Variants in NECAB1 observed in about 807,000 individuals in gnomAD.
NECAB1 encodes the protein N-terminal EF-hand calcium-binding protein 1.
A neutral mutation model predicts 57.5 loss-of-function variants in NECAB1; 29 were observed. That is an observed-to-expected ratio of 0.50 (90% CI 0.38 to 0.69). The LOEUF is 0.69. Among genes scored for constraint, NECAB1 ranks in the 30% least tolerant of loss-of-function variants. NECAB1 has a pLI of 0.00. For synonymous variants in NECAB1, 142 were observed against 147.7 expected (o/e 0.96, Z 0.28); for missense variants, 372 against 413.8 (o/e 0.90, Z 0.88).
intron 3 of NECAB1, among the ~76,000 whole-genome samples, chr8:90,825,886 G>A (rs1254640135): frequency 1.3e-5 from 2 of 151,826 alleles, no homozygotes; most frequent in Non-Finnish European, 1.5e-5. Context: ...CAAGTCCATA[G>A]TAGGTATTGG....
At chr8:90,904,032 G>A (rs1394537780) in intron 5 of NECAB1, 5 of 152,126 alleles carry the variant, frequency 3.3e-5, no homozygotes, top group African/African-American at 9.7e-5. Flanking sequence ...TAAACAAAGG[G>A]GGAAAGAAGT....
chr8:90,851,814 A>G (rs917856490), intron 3 of NECAB1, among the ~76,000 whole-genome samples: 4 of 152,070 alleles, frequency 2.6e-5, no homozygotes, highest in Non-Finnish European at 5.9e-5. Flanking sequence ...ATTAGAGCTT[A>G]CTCTTCATGT....
chr8:90,909,388 A>T (rs897092815), intron 5 of NECAB1, among the ~76,000 whole-genome samples: 1 of 151,620 alleles, frequency 6.6e-6, no homozygotes, highest in Admixed American at 6.6e-5. Flanking sequence ...AAAAAAAAAA[A>T]TGTTGCCTGG....
intron 5 of NECAB1, among the ~76,000 whole-genome samples, chr8:90,895,001 G>T (rs911610264): frequency 2.0e-5 from 3 of 152,094 alleles, no homozygotes; most frequent in Admixed American, 1.3e-4. Flanking sequence ...CTTGTTTCTG[G>T]GAGAACTTCA....
At chr8:90,858,824 T>G (rs1438474973) in intron 3 of NECAB1, among the ~76,000 whole-genome samples, 1 of 152,190 alleles carries the variant, frequency 6.6e-6, no homozygotes, top group African/African-American at 2.4e-5. Flanking sequence ...AATCCTGTGT[T>G]CCCTTGATCA....
chr8:90,867,279 G>A (rs963224352), intron 3 of NECAB1, among the ~76,000 whole-genome samples: 4 of 152,274 alleles, frequency 2.6e-5, no homozygotes, highest in African/African-American at 9.6e-5. Flanking sequence ...ATGGATTAGG[G>A]CTGTTTATTC....
rs1024454145 is a variant in NECAB1, at chr8:90,811,766, T to C, written c.124+10051T>C. On this transcript the variant is annotated intron_variant, in intron 2 of 12. Coordinates refer to ENST00000417640, the MANE Select transcript of NECAB1 (RefSeq NM_022351.5). ...AGGCTTTCTTATCAAGGTGGTGAGA[T>C]AGTACCTAGAACCCATCCCACCAGT... 2.6e-5 allele frequency among the ~76,000 whole-genome samples: 4 copies of C among 152,304 alleles called. 1 individual carries two copies. The highest frequency in any genetic ancestry group is 6.8e-3 in the Middle Eastern group (2 of 294).
intron 2 of NECAB1, among the ~76,000 whole-genome samples, chr8:90,811,276 C>T (rs1053350866): frequency 1.2e-4 from 18 of 152,222 alleles, no homozygotes; most frequent in African/African-American, 4.1e-4. Context: ...TCAACATCAA[C>T]GTCAACAGCA....
intron 2 of NECAB1, among the ~76,000 whole-genome samples, chr8:90,822,870 T>A (rs540521936): frequency 2.6e-5 from 4 of 151,748 alleles, no homozygotes; most frequent in Non-Finnish European, 4.4e-5. Flanking sequence ...TTCTTTATTT[T>A]TTTTTTTAAA....
chr8:90,830,608 A>G (rs746800116), intron 3 of NECAB1, among the ~76,000 whole-genome samples: 1 of 152,094 alleles, frequency 6.6e-6, no homozygotes, highest in Non-Finnish European at 1.5e-5. Context: ...CTAGCAGAGA[A>G]CACAGAGTCC....
intron 7 of NECAB1, among the ~76,000 whole-genome samples, chr8:90,926,866 A>G (rs937333266): frequency 4.6e-5 from 7 of 152,200 alleles, no homozygotes; most frequent in African/African-American, 1.7e-4. Context: ...TTCATTCATT[A>G]TAATAGGAGA....
chr8:90,927,135 TAAAA>T (rs926532353), intron 7 of NECAB1, among the ~76,000 whole-genome samples: 1 of 150,996 alleles, frequency 6.6e-6, no homozygotes, highest in African/African-American at 2.4e-5. Context: ...TATTAGAATT[TAAAA>T]AAAACATAAA....
rs1808945199 is a variant in NECAB1 at position 90,885,148 on chromosome 8, T to C, written c.357+4018T>C. ...GACTTTGGGTATAATTTAAAGGTGA[T>C]AAAATACCACTTTGAGGTTATTGAT... On this transcript the variant is annotated intron_variant, in intron 5 of 12. Coordinates refer to ENST00000417640, the MANE Select transcript of NECAB1 (RefSeq NM_022351.5). 2.6e-5 allele frequency among the ~76,000 whole-genome samples: 4 copies of C among 152,154 alleles called. No homozygotes were observed. The South Asian group carries it at 8.3e-4, about 32-fold the overall frequency.
chr8:90,820,679 CTTT>C (rs10543377), intron 2 of NECAB1, among the ~76,000 whole-genome samples: 56,437 of 142,286 alleles, frequency 0.4, 11,698 homozygotes, highest in East Asian at 0.81. Context: ...TTTAAATAGT[CTTT>C]TTTTTTTTTT....
chr8:90,825,742 A>G (rs1001476941), intron 3 of NECAB1, among the ~76,000 whole-genome samples: 2 of 151,912 alleles, frequency 1.3e-5, no homozygotes, highest in African/African-American at 4.8e-5. Context: ...AAGCTGTTGA[A>G]TATTTTTTAA....
intron 2 of NECAB1, chr8:90,806,869 T>A (rs1047437485): frequency 2.6e-5 from 4 of 152,236 alleles, no homozygotes; most frequent in African/African-American, 9.6e-5. Flanking sequence ...ATTTTCCCTA[T>A]TTTTTAAGTG....
At chr8:90,893,240 C>T (rs544188104) in intron 5 of NECAB1, among the ~76,000 whole-genome samples, 3 of 152,122 alleles carry the variant, frequency 2.0e-5, no homozygotes, top group East Asian at 1.9e-4. Flanking sequence ...AGTGGGGTGT[C>T]GGTGGGGGTA....
At chr8:90,820,874 C>T (rs1249287474) in intron 2 of NECAB1, among the ~76,000 whole-genome samples, 1 of 151,750 alleles carries the variant, frequency 6.6e-6, no homozygotes, top group Admixed American at 6.6e-5. Flanking sequence ...CTAGTAAATC[C>T]ATATCTACCA....
At chr8:90,933,586 G>T (rs994198913) in intron 8 of NECAB1, among the ~76,000 whole-genome samples, 2 of 152,116 alleles carry the variant, frequency 1.3e-5, no homozygotes, top group Non-Finnish European at 2.9e-5. Flanking sequence ...GAAAAGGGTG[G>T]TAGGGAGATG....
Sources: allele counts gnomAD v4.1 joint callset (sites outside exome capture counted in the v4.1 genomes callset), GRCh38; gene constraint gnomAD v4.1.1; transcripts MANE v1.5; gene names NCBI Gene and HGNC (gene_info 2026-07-23, HGNC 2026-07-21).